TMEM156: variants seen among roughly 807,000 people sequenced by gnomAD.
The protein encoded by TMEM156 is transmembrane protein 156.
A neutral mutation model predicts 30.5 loss-of-function variants in TMEM156; 28 were observed. The ratio of observed to expected loss-of-function variants is 0.92; its 90% CI spans 0.68 to 1.26. TMEM156 has a LOEUF of 1.26. Ranked by LOEUF, TMEM156 falls within the 50% of genes most tolerant of loss-of-function variation. The probability of loss-of-function intolerance (pLI) is 0.00; values close to 1 mark genes in which losing one functional copy is unlikely to be tolerated. For missense variants in TMEM156, 351 were observed against 340.6 expected (o/e 1.03, Z -0.24); for synonymous variants, 137 against 119.9 (o/e 1.14, Z -0.93).
At chr4:39,027,264 A>T (rs576424301) in intron 1 of TMEM156, among the ~76,000 whole-genome samples, 2 of 152,322 alleles carry the variant, frequency 1.3e-5, no homozygotes, top group South Asian at 4.1e-4. Context: ...CTAGAATAAC[A>T]CTTTCAGGAA....
intron 6 of TMEM156, among the ~76,000 whole-genome samples, chr4:38,970,393 C>T (rs891802558): frequency 1.3e-5 from 2 of 151,994 alleles, no homozygotes; most frequent in African/African-American, 4.8e-5. Flanking sequence ...AAAAACCACC[C>T]ACGTATTCTG....
intron 2 of TMEM156, among the ~76,000 whole-genome samples, chr4:38,998,254 G>A (rs895087267): frequency 2.6e-5 from 4 of 152,230 alleles, no homozygotes; most frequent in Admixed American, 6.5e-5. Flanking sequence ...TCTAAAAATG[G>A]AATATATTGG....
At chr4:39,005,577 A>G (rs1713675011) in intron 1 of TMEM156, among the ~76,000 whole-genome samples, 1 of 152,090 alleles carries the variant, frequency 6.6e-6, no homozygotes, top group African/African-American at 2.4e-5. Flanking sequence ...GTGAAAACAG[A>G]CTAATACAAG....
chr4:38,978,504 G>A (rs148173546), intron 5 of TMEM156, among the ~76,000 whole-genome samples: 75 of 152,196 alleles, frequency 4.9e-4, no homozygotes, highest in African/African-American at 1.4e-3. Context: ...ATCATTTAAC[G>A]CCTCTGTGCC....
intron 1 of TMEM156, among the ~76,000 whole-genome samples, chr4:39,022,123 G>A (rs1287687386): frequency 6.6e-6 from 1 of 152,106 alleles, no homozygotes; most frequent in Non-Finnish European, 1.5e-5. Context: ...GTGTCTAATG[G>A]CACCATTAAC....
chr4:38,968,239 T>C (rs182379948), intron 6 of TMEM156, among the ~76,000 whole-genome samples: 1 of 152,372 alleles, frequency 6.6e-6, no homozygotes, highest in Admixed American at 6.5e-5. Context: ...TAAGTGTTCA[T>C]GCCAGTTTCT....
At chr4:38,994,124 A>G in intron 2 of TMEM156, 126 bp from the exon 3 acceptor site, 1 of 832,324 alleles carries the variant, frequency 1.2e-6, no homozygotes, top group East Asian at 2.7e-5. Flanking sequence ...TCCTACACTA[A>G]AAATATATAC....
At chr4:38,985,795 G>C (rs537106428) in intron 5 of TMEM156, among the ~76,000 whole-genome samples, 6 of 152,272 alleles carry the variant, frequency 3.9e-5, no homozygotes, top group East Asian at 1.9e-4. Context: ...CCAAAAGGAG[G>C]CTTCACAATT....
intron 1 of TMEM156, among the ~76,000 whole-genome samples, chr4:39,008,435 C>T (rs929716373): frequency 2.6e-5 from 4 of 152,048 alleles, no homozygotes; most frequent in African/African-American, 9.7e-5. Context: ...TTTTCTAATG[C>T]TAACTTAATC....
rs1714855144 is a variant in TMEM156, at chr4:39,021,373, C to T, written c.88+10853G>A. On this transcript the variant is annotated intron_variant, in intron 1 of 6. Coordinates refer to ENST00000381938, the MANE Select transcript of TMEM156 (RefSeq NM_024943.3). ...GAGCCATACTACATTCCAGCCTGGG[C>T]AACATAGTGAGACCTTGTCTCAAAA... 1.4e-5 allele frequency among the ~76,000 whole-genome samples: 2 copies of T among 140,158 alleles called. 1 individual carries two copies. Among genetic ancestry groups the T allele is most frequent in the Admixed American group, 1.5e-4 (2 of 13,394 alleles). The allele number at this position is 140,158 out of a possible 152,430, so 91.9% of individuals were successfully genotyped here. A position where few individuals can be genotyped will look rare whatever the true frequency, so the allele number is the denominator to read the frequency against.
intron 1 of TMEM156, among the ~76,000 whole-genome samples, chr4:39,011,301 A>G (rs1240997381): frequency 3.3e-5 from 5 of 152,218 alleles, no homozygotes; most frequent in African/African-American, 1.2e-4. Flanking sequence ...TGTTAGTGGA[A>G]ATACAAATTA....
chr4:38,967,300 C>G lies in TMEM156; in HGVS notation c.*380G>C, dbSNP rs1722390150. On this transcript the variant is annotated 3_prime_UTR_variant, in exon 7 of 7. Coordinates refer to ENST00000381938, the MANE Select transcript of TMEM156 (RefSeq NM_024943.3). ...AAAGAAAGGGTTTTCATATTTGATC[C>G]TGTTTTTGGTTCCTCAAAATTAAAA... 6.6e-6 allele frequency: 1 copy of G among 152,164 alleles called. No homozygotes were observed. Among genetic ancestry groups the G allele is most frequent in the South Asian group, 2.1e-4 (1 of 4,822 alleles). The allele number at this position is 152,164 out of a possible 1,614,324, so 9.4% of individuals were successfully genotyped here.
At chr4:38,991,485 T>C (rs1311911561) in intron 3 of TMEM156, among the ~76,000 whole-genome samples, 2 of 152,096 alleles carry the variant, frequency 1.3e-5, no homozygotes, top group Non-Finnish European at 2.9e-5. Context: ...CCTCCCAAAG[T>C]GCTAGGATTA....
At chr4:39,031,054 A>G (rs1224908423) in intron 1 of TMEM156, among the ~76,000 whole-genome samples, 1 of 152,256 alleles carries the variant, frequency 6.6e-6, no homozygotes, top group Non-Finnish European at 1.5e-5. Context: ...TAGCAAAAAT[A>G]TTTTTATCTG....
intron 1 of TMEM156, among the ~76,000 whole-genome samples, chr4:38,999,116 T>TAA (rs760049654): frequency 1.9e-5 from 2 of 105,440 alleles, no homozygotes; most frequent in Admixed American, 1.9e-4. Flanking sequence ...ATTTATTTTT[T>TAA]TTTTTTTTTT....
chr4:38,984,467 T>G (rs1425788563), intron 5 of TMEM156, among the ~76,000 whole-genome samples: 1 of 146,922 alleles, frequency 6.8e-6, no homozygotes, highest in Non-Finnish European at 1.5e-5. Flanking sequence ...AAGCTGCTTC[T>G]GCTGAATGTG....
intron 1 of TMEM156, among the ~76,000 whole-genome samples, chr4:39,019,073 A>G (rs1363579603): frequency 6.6e-6 from 1 of 151,108 alleles, no homozygotes; most frequent in Non-Finnish European, 1.5e-5. Flanking sequence ...CATGCTCTGC[A>G]GAATTTCTCA....
intron 4 of TMEM156, among the ~76,000 whole-genome samples, chr4:38,986,912 T>C (rs2109919823): frequency 1.3e-5 from 2 of 148,160 alleles, no homozygotes; most frequent in African/African-American, 2.5e-5. Flanking sequence ...TACATAGATA[T>C]GATGTGAAGA....
intron 6 of TMEM156, among the ~76,000 whole-genome samples, chr4:38,968,840 A>G (rs981780061): frequency 2.0e-5 from 3 of 151,980 alleles, no homozygotes; most frequent in Non-Finnish European, 2.9e-5. Context: ...GCCTCTCCCA[A>G]TCTGCCCTCC....
Sources: gnomAD v4.1 joint callset for allele counts (sites outside exome capture counted in the v4.1 genomes callset) on GRCh38, gnomAD v4.1.1 for gene constraint, MANE v1.5 for transcripts, NCBI Gene and HGNC (gene_info 2026-07-23, HGNC 2026-07-21) for gene names.